Variants in PRKAR1B observed in about 807,000 individuals in gnomAD.
PRKAR1B encodes protein kinase cAMP-dependent type I regulatory subunit beta, also known as cAMP-dependent protein kinase type I-beta regulatory subunit.
PRKAR1B carries 22 observed loss-of-function variants against 46.5 expected under a neutral mutation model. The ratio of observed to expected loss-of-function variants is 0.47; its 90% confidence interval spans 0.34 to 0.68. The LOEUF (loss-of-function observed/expected upper bound fraction) is 0.68, where lower values mean the gene tolerates loss of function less well. Among genes scored for constraint, PRKAR1B ranks in the 30% least tolerant of loss-of-function variants. The pLI is 0.01. For missense variants in PRKAR1B, 445 were observed against 535.6 expected (o/e 0.83, Z 1.67); for synonymous variants, 259 against 217.7 (o/e 1.19, Z -1.67).
At position 551,374 on chromosome 7, in the gene PRKAR1B, G is replaced by A. The variant is rs1008697390; in HGVS notation, c.973+15C>T. On this transcript the variant is annotated intron_variant, in intron 10 of 10. Transcript: ENST00000537384. ...GCCACAGCCGTGCGAGGGAGGGGAC[G>A]CCCACTGGACTCACCGAAGTAGTCA... The A allele has an allele frequency of 1.9e-5, 30 of 1,551,216 alleles. No individual in the cohort carries two copies. The highest frequency in any genetic ancestry group is 5.4e-5 in the African/African-American group (4 of 73,446).
chr7:664,738 T>C (rs112117275), intron 4 of PRKAR1B, among the ~76,000 whole-genome samples: 1,997 of 151,326 alleles, frequency 0.013, 40 homozygotes, highest in East Asian at 0.1. Flanking sequence ...AGCGAGACTC[T>C]GTCTCTACAA....
At chr7:627,094 C>G (rs574793389) in intron 4 of PRKAR1B, among the ~76,000 whole-genome samples, 6 of 152,294 alleles carry the variant, frequency 3.9e-5, no homozygotes, top group Admixed American at 3.9e-4. Flanking sequence ...AGGATGGTCT[C>G]AATCTCTTGA....
At chr7:627,869 A>C (rs1783501546) in intron 4 of PRKAR1B, among the ~76,000 whole-genome samples, 1 of 152,218 alleles carries the variant, frequency 6.6e-6, no homozygotes, top group South Asian at 2.1e-4. Flanking sequence ...CGCTATGTAC[A>C]GGCAGGTCTG....
rs990899843 is a variant in PRKAR1B at position 666,106 on chromosome 7, G to A, written c.440+11123C>T. 7.9e-5 allele frequency among the ~76,000 whole-genome samples: 12 copies of A among 152,186 alleles called. No individual in the cohort carries two copies. The highest frequency in any genetic ancestry group is 2.9e-4 in the African/African-American group (12 of 41,452). ...ACGCACGGTGCCACCCAATTATCAC[G>A]TTTCTCGGCTCCCAGGAGCTCAGCG... On this transcript the variant is annotated intron_variant, in intron 4 of 10. Transcript: ENST00000537384. The surrounding 1 kb of genome is among the most constrained non-coding windows in gnomAD (Gnocchi z 4.9).
At chr7:671,029 G>C (rs1786221914) in intron 4 of PRKAR1B, among the ~76,000 whole-genome samples, 1 of 152,206 alleles carries the variant, frequency 6.6e-6, no homozygotes, top group Admixed American at 6.5e-5. Flanking sequence ...CCAGAAGATG[G>C]GGACACAGAT....
intron 4 of PRKAR1B, among the ~76,000 whole-genome samples, chr7:664,982 C>G (rs758264066): frequency 6.6e-6 from 1 of 152,136 alleles, no homozygotes; most frequent in African/African-American, 2.4e-5. Flanking sequence ...ACGCAGGCCA[C>G]GATCACCTGG....
intron 4 of PRKAR1B, among the ~76,000 whole-genome samples, chr7:620,019 T>TG: frequency 8.0e-6 from 1 of 124,418 alleles, no homozygotes; most frequent in East Asian, 2.2e-4. Context: ...CCCAGCTACT[T>TG]TTTTTTTTTT....
intron 4 of PRKAR1B, among the ~76,000 whole-genome samples, chr7:611,528 T>A (rs1782492733): frequency 6.6e-6 from 1 of 152,204 alleles, no homozygotes; most frequent in Admixed American, 6.5e-5. Context: ...CCACTCCCGA[T>A]CCTGATGCCT....
chr7:594,801 AC>A (rs1781178477), intron 7 of PRKAR1B, among the ~76,000 whole-genome samples: 1 of 151,914 alleles, frequency 6.6e-6, no homozygotes, highest in African/African-American at 2.4e-5. Flanking sequence ...TTATGAGGGG[AC>A]CCCAAGACCA....
intron 9 of PRKAR1B, among the ~76,000 whole-genome samples, chr7:571,956 G>A (rs961416453): frequency 2.0e-5 from 3 of 152,232 alleles, no homozygotes; most frequent in African/African-American, 4.8e-5. Flanking sequence ...AGCGAGCCGG[G>A]TGTCCGCCGG....
intron 2 of PRKAR1B, among the ~76,000 whole-genome samples, chr7:710,255 G>A (rs1230071380): frequency 1.3e-5 from 2 of 152,280 alleles, no homozygotes; most frequent in African/African-American, 4.8e-5. Context: ...TGGTCCCCAG[G>A]AGAGATGGGC....
At position 564,730 on chromosome 7, in the gene PRKAR1B, G is replaced by C. The variant is rs1217147984; in HGVS notation, c.892-13260C>G. ...TATAAATCCTCACAGCTCAGGGGAG[G>C]GGGGATCGGCCGGCCAGGACCAACA... On this transcript the variant is annotated intron_variant, in intron 9 of 10. Coordinates refer to ENST00000537384, the MANE Select transcript of PRKAR1B (RefSeq NM_001164760.2). Among the ~76,000 whole-genome samples the C allele has an allele frequency of 3.3e-5, 5 of 152,290 alleles. No homozygotes were observed. The South Asian group carries it at 1.0e-3, about 32-fold the overall frequency.
intron 4 of PRKAR1B, among the ~76,000 whole-genome samples, chr7:632,049 C>T (rs957056805): frequency 6.6e-6 from 1 of 152,148 alleles, no homozygotes; most frequent in Non-Finnish European, 1.5e-5. Context: ...ACTGGCACAG[C>T]TGTGTGTAGC....
At chr7:642,986 T>G (rs190597227) in intron 4 of PRKAR1B, among the ~76,000 whole-genome samples, 4 of 151,438 alleles carry the variant, frequency 2.6e-5, no homozygotes, top group Admixed American at 2.0e-4. Flanking sequence ...TGGATGGTGC[T>G]AACCCCGCAC....
At chr7:615,150 G>T (rs939784020) in intron 4 of PRKAR1B, among the ~76,000 whole-genome samples, 88 of 152,128 alleles carry the variant, frequency 5.8e-4, no homozygotes, top group African/African-American at 2.0e-3. Context: ...AGAAGGCCAG[G>T]TGCAGTGGCT....
chr7:665,097 C>G (rs1785830797), intron 4 of PRKAR1B, among the ~76,000 whole-genome samples: 1 of 152,116 alleles, frequency 6.6e-6, no homozygotes, highest in Non-Finnish European at 1.5e-5. Flanking sequence ...GCCCTGGAGA[C>G]CCTTTGAAAC....
intron 2 of PRKAR1B, among the ~76,000 whole-genome samples, chr7:709,966 T>C (rs1299369408): frequency 6.6e-6 from 1 of 152,194 alleles, no homozygotes; most frequent in African/African-American, 2.4e-5. Flanking sequence ...TATAAAAACA[T>C]TTGAGGGGGA....
intron 4 of PRKAR1B, among the ~76,000 whole-genome samples, chr7:617,514 T>G (rs1782895009): frequency 6.6e-6 from 1 of 152,160 alleles, no homozygotes; most frequent in South Asian, 2.1e-4. Flanking sequence ...GGTGTGCAAA[T>G]GCATGTGTTG....
chr7:672,356 T>C (rs1786307080), intron 4 of PRKAR1B, among the ~76,000 whole-genome samples: 1 of 151,832 alleles, frequency 6.6e-6, no homozygotes, highest in Non-Finnish European at 1.5e-5. Context: ...TTCACCATAT[T>C]GGCCAGGCTG....
Sources: allele counts gnomAD v4.1 joint callset (sites outside exome capture counted in the v4.1 genomes callset), GRCh38; gene constraint gnomAD v4.1.1; non-coding constraint Gnocchi (gnomAD v3.1); transcripts MANE v1.5; gene names NCBI Gene and HGNC (gene_info 2026-07-23, HGNC 2026-07-21).